Variants in HTR2B observed in about 807,000 individuals in gnomAD.
HTR2B encodes the protein 5-HT 2B receptor.
A neutral mutation model predicts 39.8 loss-of-function variants in HTR2B; 31 were observed. That is an observed-to-expected ratio of 0.78 (90% CI 0.58 to 1.05). HTR2B has a LOEUF of 1.05. HTR2B is among the 50% of genes least tolerant of loss of function. The pLI is 0.00. For synonymous variants in HTR2B, 210 were observed against 207.1 expected, an observed-to-expected ratio of 1.01 and a Z score of -0.12; for missense variants, 562 against 578.0, an observed-to-expected ratio of 0.97 and a Z score of 0.28.
Position 231,109,412 on chromosome 2 carries a change from A to C in HTR2B, c.554-3T>G, listed in dbSNP as rs975519532. The C allele has an allele frequency of 6.2e-7, 1 of 1,613,162 alleles. No homozygotes were observed. Among genetic ancestry groups the C allele is most frequent in the Non-Finnish European group, 8.5e-7 (1 of 1,179,316 alleles). ...AATAGGGACTGGAATGGCAATGCCT[A>C]AGGAAGAGGAAAACAAGATAAATTG... On this transcript the variant is annotated splice_polypyrimidine_tract_variant and splice_region_variant and intron_variant, in intron 3 of 3. Coordinates refer to ENST00000258400, the MANE Select transcript of HTR2B (RefSeq NM_000867.5).
chr2:231,121,051 CAT>C (rs1199692008), intron 2 of HTR2B, among the ~76,000 whole-genome samples: 2 of 152,146 alleles, frequency 1.3e-5, no homozygotes, highest in Non-Finnish European at 2.9e-5. Context: ...TAGAGGGCAA[CAT>C]GTGTTTTTTT....
intron 3 of HTR2B, 42 bp downstream of exon 3, chr2:231,113,687 A>G (rs1254570252): frequency 1.9e-6 from 3 of 1,577,806 alleles, no homozygotes; most frequent in Non-Finnish European, 2.6e-6. Context: ...AGTGGAACCA[A>G]AGATTTTGTA....
At chr2:231,113,964 C>G in intron 2 of HTR2B, 35 bp from the exon 3 acceptor site, 3 of 1,555,588 alleles carry the variant, frequency 1.9e-6, no homozygotes, top group Non-Finnish European at 2.7e-6. Context: ...ACATTTTATT[C>G]TATAAAATGG....
At chr2:231,120,251 C>T (rs1159965078) in intron 2 of HTR2B, among the ~76,000 whole-genome samples, 3 of 152,174 alleles carry the variant, frequency 2.0e-5, no homozygotes, top group Non-Finnish European at 4.4e-5. Context: ...CGTGCCCAGC[C>T]TCCCCTGTTA....
chr2:231,115,282 G>A (rs1439615031), intron 2 of HTR2B, among the ~76,000 whole-genome samples: 4 of 151,970 alleles, frequency 2.6e-5, no homozygotes, highest in African/African-American at 9.7e-5. Flanking sequence ...TTTAAAGTCA[G>A]GTAGGATTTC....
chr2:231,122,383 T>G (rs1182368500), intron 2 of HTR2B, among the ~76,000 whole-genome samples: 1 of 152,142 alleles, frequency 6.6e-6, no homozygotes, highest in Non-Finnish European at 1.5e-5. Context: ...TACCTTCTAA[T>G]ATGGATTCTA....
chr2:231,113,410 T>C (rs1695224735), intron 3 of HTR2B, among the ~76,000 whole-genome samples: 1 of 152,362 alleles, frequency 6.6e-6, no homozygotes, highest in East Asian at 1.9e-4. Context: ...ACCATAATTA[T>C]CTGTTGGGAA....
intron 2 of HTR2B, among the ~76,000 whole-genome samples, chr2:231,118,720 T>A (rs1049334346): frequency 2.0e-5 from 3 of 152,184 alleles, no homozygotes; most frequent in Admixed American, 2.0e-4. Flanking sequence ...GTTTGGGAAG[T>A]CAGGTTACAC....
chr2:231,124,722 A>G (rs1268413539), intron 1 of HTR2B, among the ~76,000 whole-genome samples: 1 of 151,890 alleles, frequency 6.6e-6, no homozygotes, highest in African/African-American at 2.4e-5. Flanking sequence ...TTTTGTTTTA[A>G]GTAGTGTTTA....
At position 231,109,170 on chromosome 2, in the gene HTR2B, A is replaced by C; in HGVS notation, c.793T>G (p.Ser265Ala). 6.2e-7 allele frequency: 1 copy of C among 1,614,196 alleles called. No homozygotes were observed. The highest frequency in any genetic ancestry group is 1.1e-5 in the South Asian group (1 of 91,084). ...PPQRLTWLTVSTVFQRDETPC... is the reference protein window; with the variant it reads ...PPQRLTWLTVATVFQRDETPC... ...GTTTCATCCCTTTGGAAAACTGTAGACACAGTCAACCATGTTAGGCGTTGA... is the reference window on the plus strand; with the variant it reads ...GTTTCATCCCTTTGGAAAACTGTAGCCACAGTCAACCATGTTAGGCGTTGA... Residue 265 changes from serine to alanine, a missense_variant, in exon 4 of 4, where the codon TCT (serine) becomes GCT (alanine). Ser to Ala is a moderately conservative substitution (Grantham distance 99). Coordinates refer to ENST00000258400, the MANE Select transcript of HTR2B (RefSeq NM_000867.5).
In HTR2B at chr2:231,109,067, T is replaced by C; in HGVS notation, c.896A>G (p.Glu299Gly). 6.2e-7 allele frequency: 1 copy of C among 1,614,252 alleles called. No homozygotes were observed. Among genetic ancestry groups the C allele is most frequent in the Non-Finnish European group, 8.5e-7 (1 of 1,180,044 alleles). The change falls in exon 4 of 4, where the codon GAA (glutamate) becomes GGA (glycine). Residue 299 changes from glutamate to glycine, a missense_variant. Glu to Gly is a moderately conservative substitution (Grantham distance 98). Coordinates refer to ENST00000258400, the MANE Select transcript of HTR2B (RefSeq NM_000867.5). ...TGTGGATGTTCTTCGCATAAGTGTT[T>C]CATCACCTGAGTTGGGCAGAGCCTT... ...KDKALPNSGD[E>G]TLMRRTSTIG...
chr2:231,114,067 C>T, intron 2 of HTR2B, 138 bp from the exon 3 acceptor site: 1 of 703,210 alleles, frequency 1.4e-6, no homozygotes, highest in Non-Finnish European at 2.6e-6. Flanking sequence ...TAATGTTTAA[C>T]TTCAGATAAT....
rs1332165057 is a variant in HTR2B at position 231,108,469 on chromosome 2, A to G, written c.*48T>C. 7.3e-7 allele frequency: 1 copy of G among 1,368,726 alleles called. No individual in the cohort carries two copies. The highest frequency in any genetic ancestry group is 1.0e-6 in the Non-Finnish European group (1 of 960,582). The allele number at this position is 1,368,726 out of a possible 1,614,324, so 84.8% of individuals were successfully genotyped here. ...TATATTCTTGGCACATTTACATCTC[A>G]TTCATCATCTTACTCATCATTATGT... On this transcript the variant is annotated 3_prime_UTR_variant, in exon 4 of 4. Coordinates refer to ENST00000258400, the MANE Select transcript of HTR2B (RefSeq NM_000867.5).
In HTR2B at chr2:231,109,341, C is replaced by T. The variant is rs61731725; in HGVS notation, c.622G>A (p.Val208Met). 1.2e-6 allele frequency: 2 copies of T among 1,613,896 alleles called. No individual in the cohort carries two copies. The highest frequency in any genetic ancestry group is 3.3e-5 in the Admixed American group (2 of 60,000). The change falls in exon 4 of 4, where the codon GTG (valine) becomes ATG (methionine). Residue 208 changes from valine (V) to methionine (M), a missense_variant. Val to Met is a conservative substitution (Grantham distance 21). Coordinates refer to ENST00000258400, the MANE Select transcript of HTR2B (RefSeq NM_000867.5). ...DVDNPNNITC[V>M]LTKERFGDFM... ...TCGCCAAAACGTTCCTTTGTCAGCACACAAGTGATATTGTTTGGGTTGTCC... is the reference window on the plus strand; with the variant it reads ...TCGCCAAAACGTTCCTTTGTCAGCATACAAGTGATATTGTTTGGGTTGTCC...
intron 2 of HTR2B, among the ~76,000 whole-genome samples, chr2:231,117,479 T>C (rs1011145259): frequency 1.3e-5 from 2 of 152,146 alleles, no homozygotes; most frequent in Non-Finnish European, 2.9e-5. Context: ...ATAGCATTTC[T>C]GTCAATGCCT....
chr2:231,123,896 T>TAA lies in HTR2B; in HGVS notation c.-134_-133dup. The TAA allele has an allele frequency of 1.2e-5, 7 of 564,598 alleles. No homozygotes were observed. Among genetic ancestry groups the TAA allele is most frequent in the Admixed American group, 2.6e-5 (1 of 37,814 alleles). 35.0% of individuals were successfully genotyped at this position (564,598 alleles called of 1,614,324 possible). On this transcript the variant is annotated 5_prime_UTR_variant, in exon 2 of 4. An upstream open reading frame in the 5' UTR loses its in-frame stop. Coordinates refer to ENST00000258400, the MANE Select transcript of HTR2B (RefSeq NM_000867.5). ...AAAAGCCAAAGTTGACACCTTCCTT[T>TAA]AAAAAAAAAAATTCAAGTTCTCTAA...
Position 231,109,142 on chromosome 2 carries a change from G to A in HTR2B, c.821C>T (p.Pro274Leu), listed in dbSNP as rs777647246. ...VSTVFQRDET[P>L]CSSPEKVAML... ...TGCCACCTTTTCCGGTGACGAGCAA[G>A]GTGTTTCATCCCTTTGGAAAACTGT... Residue 274 changes from proline to leucine, a missense_variant, in exon 4 of 4, where the codon CCT becomes CTT. By Grantham distance (98) the Pro-to-Leu change is moderately conservative (BLOSUM62 -3). Coordinates refer to ENST00000258400, the MANE Select transcript of HTR2B (RefSeq NM_000867.5). 1 of 1,614,124 alleles carries A rather than the reference G, an allele frequency of 6.2e-7. No homozygotes were observed. The highest frequency in any genetic ancestry group is 8.5e-7 in the Non-Finnish European group (1 of 1,179,956).
intron 3 of HTR2B, among the ~76,000 whole-genome samples, chr2:231,112,382 T>C (rs575644693): frequency 3.9e-5 from 6 of 152,380 alleles, no homozygotes; most frequent in African/African-American, 1.4e-4. Context: ...TTTAAATCTC[T>C]TCATTCTGAA....
chr2:231,115,564 T>C (rs980781636), intron 2 of HTR2B, among the ~76,000 whole-genome samples: 1 of 152,178 alleles, frequency 6.6e-6, no homozygotes, highest in Non-Finnish European at 1.5e-5. Context: ...AGTGTATTAC[T>C]GTAAATAAAC....
Sources: gnomAD v4.1 joint callset for allele counts (sites outside exome capture counted in the v4.1 genomes callset) on GRCh38, gnomAD v4.1.1 for gene constraint, MANE v1.5 for transcripts, NCBI Gene and HGNC (gene_info 2026-07-23, HGNC 2026-07-21) for gene names.